Variants in SCAPER observed in about 807,000 individuals in gnomAD.
SCAPER encodes S-phase cyclin A associated protein in the ER, also known as S phase cyclin A-associated protein in the endoplasmic reticulum.
SCAPER carries 98 observed loss-of-function variants against 182.2 expected under a neutral mutation model. That is an observed-to-expected ratio of 0.54 (90% CI 0.46 to 0.64). The LOEUF (loss-of-function observed/expected upper bound fraction) is 0.64, where lower values mean the gene tolerates loss of function less well. SCAPER is among the 30% of genes least tolerant of loss of function. The pLI, the probability that SCAPER is intolerant of heterozygous loss-of-function variation, is 0.00. For synonymous variants in SCAPER, 605 were observed against 564.6 expected (o/e 1.07, Z -1.01); for missense variants, 1,432 against 1,690.0 (o/e 0.85, Z 2.68).
intron 2 of SCAPER, among the ~76,000 whole-genome samples, chr15:76,875,956 A>G (rs2073120504): frequency 6.6e-6 from 1 of 152,172 alleles, no homozygotes; most frequent in Non-Finnish European, 1.5e-5. Flanking sequence ...GGCGGGCTGC[A>G]GGTCCCGAGC....
chr15:76,878,868 G>A (rs2073354569), intron 2 of SCAPER, among the ~76,000 whole-genome samples: 1 of 152,054 alleles, frequency 6.6e-6, no homozygotes, highest in Non-Finnish European at 1.5e-5. Flanking sequence ...ACTTGAGTAG[G>A]CACTTCACAA....
intron 24 of SCAPER, among the ~76,000 whole-genome samples, chr15:76,474,935 G>GA (rs1020168811): frequency 6.7e-5 from 10 of 150,300 alleles, no homozygotes; most frequent in Admixed American, 3.3e-4. Flanking sequence ...CCTGAGTAAT[G>GA]AAAAAAAAAC....
At chr15:76,499,418 T>G (rs1474928991) in intron 24 of SCAPER, among the ~76,000 whole-genome samples, 1 of 152,236 alleles carries the variant, frequency 6.6e-6, no homozygotes, top group Non-Finnish European at 1.5e-5. Flanking sequence ...TGGGCCATAT[T>G]TGGCAAAAAT....
At chr15:76,671,909 C>A (rs1387012137) in intron 20 of SCAPER, among the ~76,000 whole-genome samples, 2 of 152,070 alleles carry the variant, frequency 1.3e-5, no homozygotes, top group Non-Finnish European at 2.9e-5. Context: ...AACAGTTACT[C>A]ACTGGAGAGT....
At chr15:76,493,723 GC>G (rs764037768) in intron 24 of SCAPER, among the ~76,000 whole-genome samples, 2 of 152,158 alleles carry the variant, frequency 1.3e-5, no homozygotes, top group Non-Finnish European at 2.9e-5. Flanking sequence ...TAAACATGTT[GC>G]CTCTGGAGAA....
At chr15:76,423,495 T>C (rs1210398616) in intron 26 of SCAPER, among the ~76,000 whole-genome samples, 7 of 152,350 alleles carry the variant, frequency 4.6e-5, no homozygotes, top group Non-Finnish European at 5.9e-5. Flanking sequence ...TTGTGTCTAT[T>C]TGATTATTCT....
chr15:76,476,433 T>G (rs2050636328), intron 24 of SCAPER, among the ~76,000 whole-genome samples: 2 of 151,784 alleles, frequency 1.3e-5, no homozygotes, highest in Admixed American at 1.3e-4. Flanking sequence ...TTTCTTTCTT[T>G]CTTTTTGAGA....
At chr15:76,444,599 G>A (rs780735080) in intron 25 of SCAPER, among the ~76,000 whole-genome samples, 3 of 152,144 alleles carry the variant, frequency 2.0e-5, no homozygotes, top group Non-Finnish European at 4.4e-5. Flanking sequence ...GGTCTGCTCT[G>A]CTTCTTGAAC....
At chr15:76,550,147 A>C (rs1421730127) in intron 23 of SCAPER, among the ~76,000 whole-genome samples, 4 of 152,192 alleles carry the variant, frequency 2.6e-5, no homozygotes, top group African/African-American at 9.7e-5. Flanking sequence ...AAATAACCCA[A>C]TTTAAAAATT....
intron 29 of SCAPER, among the ~76,000 whole-genome samples, chr15:76,369,765 C>G (rs982228857): frequency 2.0e-5 from 3 of 152,130 alleles, no homozygotes; most frequent in Non-Finnish European, 4.4e-5. Context: ...GAAAACTTCC[C>G]AACTCTATTG....
intron 22 of SCAPER, 101 bp from the exon 23 acceptor site, chr15:76,574,385 T>C: frequency 7.4e-7 from 1 of 1,347,986 alleles, no homozygotes; most frequent in Non-Finnish European, 1.0e-6. Context: ...AGTATTGGAT[T>C]TGAAAATGCT....
intron 26 of SCAPER, among the ~76,000 whole-genome samples, chr15:76,407,990 C>G (rs2044988499): frequency 6.6e-6 from 1 of 151,910 alleles, no homozygotes; most frequent in Non-Finnish European, 1.5e-5. Context: ...AAAACAAAAC[C>G]ACAACATCAT....
intron 10 of SCAPER, among the ~76,000 whole-genome samples, chr15:76,770,176 G>A (rs138058667): frequency 1.4e-3 from 215 of 148,630 alleles, no homozygotes; most frequent in African/African-American, 5.3e-3. Context: ...GACACAGGGC[G>A]GGGAACATCA....
intron 23 of SCAPER, among the ~76,000 whole-genome samples, chr15:76,506,555 G>A (rs2041602159): frequency 6.6e-6 from 1 of 152,104 alleles, no homozygotes; most frequent in African/African-American, 2.4e-5. Flanking sequence ...AAAGGGTCAG[G>A]ATAGGCTTCT....
intron 14 of SCAPER, among the ~76,000 whole-genome samples, chr15:76,758,443 T>C (rs1164516683): frequency 6.6e-6 from 1 of 152,196 alleles, no homozygotes; most frequent in Non-Finnish European, 1.5e-5. Flanking sequence ...CATTGGTCTG[T>C]GTGTATGTTT....
At chr15:76,833,694 A>G (rs754774501) in intron 5 of SCAPER, among the ~76,000 whole-genome samples, 14 of 152,248 alleles carry the variant, frequency 9.2e-5, no homozygotes, top group Non-Finnish European at 1.6e-4. Flanking sequence ...CAGAAAACAA[A>G]AAAAACAGGA....
At chr15:76,450,730 T>G (rs1193249951) in intron 25 of SCAPER, among the ~76,000 whole-genome samples, 2 of 152,094 alleles carry the variant, frequency 1.3e-5, no homozygotes, top group Admixed American at 6.6e-5. Context: ...ATTTTTTGTA[T>G]TTTTAGTAGA....
At chr15:76,495,991 GAGACACACACACACACACAC>G (rs1222521091) in intron 24 of SCAPER, among the ~76,000 whole-genome samples, 152 of 100,974 alleles carry the variant, frequency 1.5e-3, no homozygotes, top group African/African-American at 1.8e-3. Flanking sequence ...GCAAAAGAGA[GAGACACACACACACACACAC>G]ACACACACAC....
At position 76,615,907 on chromosome 15, in the gene SCAPER, G is replaced by A. The variant is rs1012854846; in HGVS notation, c.2711+5857C>T. 3.3e-5 allele frequency among the ~76,000 whole-genome samples: 5 copies of A among 151,196 alleles called. No individual in the cohort carries two copies. The East Asian group carries it at 5.8e-4, about 18-fold the overall frequency. ...ACTAATCGTTAGGTAAATGCAATCC[G>A]AAACTAAAATGAGATACTATCTCAA... On this transcript the variant is annotated intron_variant, in intron 22 of 31. Coordinates refer to ENST00000563290, the MANE Select transcript of SCAPER (RefSeq NM_020843.4).
Sources: gnomAD v4.1 joint callset for allele counts (sites outside exome capture counted in the v4.1 genomes callset) on GRCh38, gnomAD v4.1.1 for gene constraint, MANE v1.5 for transcripts, NCBI Gene and HGNC (gene_info 2026-07-23, HGNC 2026-07-21) for gene names.